Variants in FYB1 observed in about 807,000 individuals in gnomAD.
FYB1 encodes the protein FYN-binding protein 1.
In FYB1, 41 loss-of-function variants were observed where a neutral mutation model predicts 94.1. That is an observed-to-expected ratio of 0.44 (90% CI 0.34 to 0.57). FYB1 has a LOEUF of 0.57. Ranked by LOEUF, FYB1 falls within the 20% of genes least tolerant of loss-of-function variation. FYB1 has a pLI of 0.02. For synonymous variants in FYB1, 367 were observed against 353.2 expected, an observed-to-expected ratio of 1.04 and a Z score of -0.44; for missense variants, 1,050 against 976.8, an observed-to-expected ratio of 1.07 and a Z score of -1.00.
At chr5:39,232,887 G>T (rs1750808797) in intron 1 of FYB1, among the ~76,000 whole-genome samples, 1 of 152,004 alleles carries the variant, frequency 6.6e-6, no homozygotes. Flanking sequence ...TCCCTACAAA[G>T]GACATGAACT....
chr5:39,107,121 T>C lies in FYB1; in HGVS notation c.*322A>G, dbSNP rs933633675. The C allele has an allele frequency of 5.5e-6, 1 of 181,734 alleles. No homozygotes were observed. The highest frequency in any genetic ancestry group is 1.1e-5 in the Non-Finnish European group (1 of 87,440). The allele number at this position is 181,734 out of a possible 1,614,324, so 11.3% of individuals were successfully genotyped here. On this transcript the variant is annotated 3_prime_UTR_variant, in exon 19 of 19. Transcript: ENST00000512982. ...CTGAATGATTTTCCTTTTTCTTTTA[T>C]TTTTATTTTTTGAAGGAGGATTATT...
chr5:39,137,516 G>A, intron 7 of FYB1, 84 bp downstream of exon 7: 1 of 1,437,802 alleles, frequency 7.0e-7, no homozygotes, highest in South Asian at 1.4e-5. Flanking sequence ...CTTCAACTAT[G>A]TAAGTTTTCA....
chr5:39,192,354 A>G (rs968707494), intron 2 of FYB1, among the ~76,000 whole-genome samples: 2 of 152,190 alleles, frequency 1.3e-5, no homozygotes, highest in African/African-American at 4.8e-5. Context: ...AATTTTGATC[A>G]AATTAGGTAA....
intron 1 of FYB1, among the ~76,000 whole-genome samples, chr5:39,240,149 T>G (rs1490877346): frequency 1.3e-5 from 2 of 152,176 alleles, no homozygotes; most frequent in East Asian, 3.8e-4. Context: ...GAACCCCTCC[T>G]GATACCATAT....
chr5:39,258,326 G>A (rs970865930), intron 1 of FYB1, among the ~76,000 whole-genome samples: 5 of 152,150 alleles, frequency 3.3e-5, no homozygotes, highest in Admixed American at 6.5e-5. Context: ...CTAGCCGGGC[G>A]TGGTGGCTCA....
intron 16 of FYB1, among the ~76,000 whole-genome samples, chr5:39,114,792 C>A (rs1041377371): frequency 1.3e-5 from 2 of 152,158 alleles, no homozygotes; most frequent in Non-Finnish European, 2.9e-5. Context: ...TTCATTCAAT[C>A]CAGCAAGCCC....
chr5:39,241,938 G>T (rs1195225619), intron 1 of FYB1, among the ~76,000 whole-genome samples: 1 of 151,826 alleles, frequency 6.6e-6, no homozygotes, highest in Admixed American at 6.6e-5. Flanking sequence ...TGAAAAGGAA[G>T]TTTTATTAGG....
intron 2 of FYB1, among the ~76,000 whole-genome samples, chr5:39,198,791 T>C (rs148097058): frequency 1.3e-5 from 2 of 152,144 alleles, no homozygotes; most frequent in Non-Finnish European, 2.9e-5. Context: ...TATTTCCAAC[T>C]TAAGAATGTT....
At chr5:39,267,157 T>A (rs902939565) in intron 1 of FYB1, among the ~76,000 whole-genome samples, 2 of 152,216 alleles carry the variant, frequency 1.3e-5, no homozygotes, top group Non-Finnish European at 2.9e-5. Flanking sequence ...AATGAGATAG[T>A]GTATGTCAGG....
At chr5:39,215,982 C>A (rs1749831694) in intron 1 of FYB1, among the ~76,000 whole-genome samples, 2 of 152,074 alleles carry the variant, frequency 1.3e-5, no homozygotes, top group African/African-American at 2.4e-5. Flanking sequence ...AGGAGAGGGC[C>A]ATTTTACAAG....
upstream of FYB1, among the ~76,000 whole-genome samples, chr5:39,221,031 A>G (rs1432935488): frequency 6.6e-6 from 1 of 152,208 alleles, no homozygotes; most frequent in Non-Finnish European, 1.5e-5. Flanking sequence ...TGCTTATTCT[A>G]TCCTAAGAGA....
chr5:39,155,124 C>T (rs1743630073), intron 2 of FYB1, among the ~76,000 whole-genome samples: 1 of 152,180 alleles, frequency 6.6e-6, no homozygotes, highest in South Asian at 2.1e-4. Flanking sequence ...TACGGCACTT[C>T]ACTGTAAATT....
intron 4 of FYB1, among the ~76,000 whole-genome samples, chr5:39,140,426 T>C (rs1490795767): frequency 1.3e-5 from 2 of 152,092 alleles, no homozygotes; most frequent in African/African-American, 4.8e-5. Context: ...TAAAAGGAGA[T>C]ATAATTTGAT....
intron 16 of FYB1, among the ~76,000 whole-genome samples, chr5:39,115,802 A>G (rs997125965): frequency 6.6e-6 from 1 of 152,220 alleles, no homozygotes; most frequent in Non-Finnish European, 1.5e-5. Flanking sequence ...AGGTGATTAA[A>G]TCATGAAATA....
At chr5:39,266,021 C>G in intron 1 of FYB1, among the ~76,000 whole-genome samples, 1 of 143,198 alleles carries the variant, frequency 7.0e-6, no homozygotes, top group East Asian at 2.0e-4. Context: ...GCATAAAATA[C>G]AAAAAAAAAT....
chr5:39,255,295 T>TA (rs1751887863), intron 1 of FYB1, among the ~76,000 whole-genome samples: 1 of 152,134 alleles, frequency 6.6e-6, no homozygotes, highest in Non-Finnish European at 1.5e-5. Flanking sequence ...CCACGCTTTT[T>TA]AAAAAAATTT....
chr5:39,190,768 T>TTGTGTGTGTGTGTGTGTGTGTG (rs3028815), intron 2 of FYB1, among the ~76,000 whole-genome samples: 1 of 146,454 alleles, frequency 6.8e-6, no homozygotes, highest in African/African-American at 2.5e-5. Context: ...CCATGCTTAT[T>TTGTGTGTGTGTGTGTGTGTGTG]TGTGTGTGTG....
chr5:39,125,384 G>A (rs941108850), intron 12 of FYB1, among the ~76,000 whole-genome samples: 2 of 152,150 alleles, frequency 1.3e-5, no homozygotes, highest in African/African-American at 4.8e-5. Context: ...GGAATAGAAA[G>A]AGAAAAGTTA....
At chr5:39,174,613 G>T (rs1482996654) in intron 2 of FYB1, among the ~76,000 whole-genome samples, 3 of 152,138 alleles carry the variant, frequency 2.0e-5, no homozygotes, top group African/African-American at 7.2e-5. Flanking sequence ...TTTAATAAAT[G>T]ATTTACTCAA....
Sources: allele counts gnomAD v4.1 joint callset (sites outside exome capture counted in the v4.1 genomes callset), GRCh38; gene constraint gnomAD v4.1.1; transcripts MANE v1.5; gene names NCBI Gene and HGNC (gene_info 2026-07-23, HGNC 2026-07-21).